The following FBLIM1 variants were observed in gnomAD, a reference collection of about 807,000 sequenced individuals.
FBLIM1 encodes filamin binding LIM protein 1, also known as filamin-binding LIM protein 1.
A neutral mutation model predicts 37.4 loss-of-function variants in FBLIM1; 29 were observed. The observed-to-expected ratio is 0.77, with a 90% CI of 0.58 to 1.06. The LOEUF (loss-of-function observed/expected upper bound fraction) is 1.06. FBLIM1 is among the 50% of genes least tolerant of loss of function. FBLIM1 has a pLI of 0.00. For missense variants in FBLIM1, 449 were observed against 505.6 expected, an observed-to-expected ratio of 0.89 and a Z score of 1.07; for synonymous variants, 193 against 199.0, an observed-to-expected ratio of 0.97 and a Z score of 0.25.
At chr1:15,774,167 C>A (rs547585171) in intron 6 of FBLIM1, among the ~76,000 whole-genome samples, 12 of 152,224 alleles carry the variant, frequency 7.9e-5, no homozygotes, top group Middle Eastern at 3.4e-3. Context: ...AACAAAAAAG[C>A]CCTATAATGG....
upstream of FBLIM1, chr1:15,758,221 G>C: frequency 1.3e-5 from 2 of 152,304 alleles, no homozygotes; most frequent in East Asian, 3.8e-4. The surrounding 1 kb of genome is among the most constrained non-coding windows in gnomAD (Gnocchi z 6.2). Context: ...TACAGATGAA[G>C]ACACTGAGGC....
chr1:15,762,756 C>T (rs1444182131), intron 1 of FBLIM1, among the ~76,000 whole-genome samples: 2 of 152,210 alleles, frequency 1.3e-5, no homozygotes, highest in African/African-American at 2.4e-5. Context: ...ACCGGTCAGA[C>T]GCATTGATAG....
intron 3 of FBLIM1, 140 bp from the exon 4 acceptor site, chr1:15,767,236 C>T (rs1334214680): frequency 3.1e-6 from 2 of 648,820 alleles, no homozygotes; most frequent in African/African-American, 3.9e-5. Context: ...AAATCAGTGG[C>T]AGAGTTAGAC....
Position 15,784,588 on chromosome 1 carries a change from G to T in FBLIM1, c.1049G>T (p.Gly350Val). The change falls in exon 9 of 9, where the codon GGC becomes GTC. Residue 350 changes from glycine (G) to valine (V), a missense_variant. Coordinates refer to ENST00000375766, the MANE Select transcript of FBLIM1 (RefSeq NM_017556.4). ...CTGTCTGTCGAGCCCACGGACCAAG[G>T]CTGCTACCCCCTGAACAACCATCTC... Reference protein sequence around the residue: ...ILLSVEPTDQGCYPLNNHLFC... With the variant: ...ILLSVEPTDQVCYPLNNHLFC... 3 of 1,614,118 alleles carry T rather than the reference G, an allele frequency of 1.9e-6. No homozygotes were observed. Among genetic ancestry groups the T allele is most frequent in the Non-Finnish European group, 2.5e-6 (3 of 1,179,984 alleles).
Position 15,767,545 on chromosome 1 carries a change from G to A in FBLIM1, c.420G>A (p.Pro140=), listed in dbSNP as rs1313597727. ...ACTTAGAGCAGCTGCACCTGTCCCC[G>A]CCCCCGCCCCCACCACAGGTACTGC... ...IADLEQLHLS[P]PPPPPQAPAE... Residue 140 remains proline (P), a synonymous_variant, in exon 4 of 9, where the codon CCG becomes CCA. Transcript: ENST00000375766. 7.9e-6 allele frequency: 10 copies of A among 1,258,010 alleles called. No homozygotes were observed. The Admixed American group carries it at 1.0e-4, about 13-fold the overall frequency. 77.9% of individuals were successfully genotyped at this position (1,258,010 alleles called of 1,614,324 possible).
At chr1:15,777,148 G>T in intron 7 of FBLIM1, 22 bp from the exon 8 acceptor site, 1 of 1,579,194 alleles carries the variant, frequency 6.3e-7, no homozygotes, top group South Asian at 1.1e-5. Context: ...CGCCTCCCAA[G>T]CATGGGTTCC....
intron 5 of FBLIM1, among the ~76,000 whole-genome samples, 160 bp from the exon 6 acceptor site, chr1:15,770,249 G>C (rs780002736): frequency 6.6e-5 from 10 of 152,080 alleles, no homozygotes; most frequent in Non-Finnish European, 1.3e-4. Context: ...GCCTGACTCA[G>C]ATTCCTTTTT....
intron 1 of FBLIM1, among the ~76,000 whole-genome samples, chr1:15,762,992 C>T (rs185480664): frequency 3.9e-5 from 6 of 152,028 alleles, no homozygotes; most frequent in Admixed American, 2.0e-4. Context: ...ATAGGAAGGG[C>T]GAGTGGTCCA....
chr1:15,769,439 T>A (rs2069093559), intron 5 of FBLIM1, among the ~76,000 whole-genome samples: 1 of 151,166 alleles, frequency 6.6e-6, no homozygotes, highest in Non-Finnish European at 1.5e-5. Flanking sequence ...ATTGCGCCAC[T>A]GCTCTCCAGC....
intron 6 of FBLIM1, among the ~76,000 whole-genome samples, chr1:15,772,492 G>T (rs974335398): frequency 6.6e-6 from 1 of 152,152 alleles, no homozygotes; most frequent in South Asian, 2.1e-4. Context: ...GCCCCCACAC[G>T]TGTCCAGGTG....
intron 7 of FBLIM1, among the ~76,000 whole-genome samples, chr1:15,775,903 G>A (rs1208705130): frequency 6.6e-6 from 1 of 152,154 alleles, no homozygotes; most frequent in Non-Finnish European, 1.5e-5. Flanking sequence ...TGGAATGAAT[G>A]AAGGGCTTAT....
chr1:15,771,905 A>C (rs560852303), intron 6 of FBLIM1, among the ~76,000 whole-genome samples: 12 of 151,474 alleles, frequency 7.9e-5, no homozygotes, highest in Non-Finnish European at 1.5e-4. Context: ...TCTTGCCACT[A>C]TCTCCCCTAG....
Position 15,784,397 on chromosome 1 carries a change from G to A in FBLIM1, c.1009-151G>A, listed in dbSNP as rs1012873449. The A allele has an allele frequency of 3.8e-5, 22 of 583,822 alleles. No individual in the cohort carries two copies. In the South Asian group the frequency reaches 4.6e-4, roughly 12 times the overall value. The allele number at this position is 583,822 out of a possible 1,614,324, so 36.2% of individuals were successfully genotyped here. On this transcript the variant is annotated intron_variant, in intron 8 of 8. Coordinates refer to ENST00000375766, the MANE Select transcript of FBLIM1 (RefSeq NM_017556.4). ...TTATGGAGACCTGGCCCGGGTGTTG[G>A]GAGGGCAGCAGTGAGCAGCCTCCTT...
intron 5 of FBLIM1, among the ~76,000 whole-genome samples, chr1:15,768,920 G>A (rs2069063388): frequency 6.6e-6 from 1 of 152,072 alleles, no homozygotes; most frequent in Non-Finnish European, 1.5e-5. Context: ...CTCACACAGT[G>A]CAAAATAAAC....
chr1:15,776,543 C>T lies in FBLIM1; in HGVS notation c.891-627C>T, dbSNP rs1004833205. The stretch of plus-strand genomic sequence containing the variant: ...GCCCATGAGTTGCTCACCACTCAAG[C>T]GGAGAGACAGATGTGCCTCTTAAGA... On this transcript the variant is annotated intron_variant, in intron 7 of 8. Coordinates refer to ENST00000375766, the MANE Select transcript of FBLIM1 (RefSeq NM_017556.4). Among the ~76,000 whole-genome samples, 4 of 151,954 alleles carry T rather than the reference C, an allele frequency of 2.6e-5. No homozygotes were observed. In the South Asian group the frequency reaches 8.3e-4, roughly 31 times the overall value.
intron 8 of FBLIM1, 93 bp downstream of exon 8, chr1:15,777,380 G>T: frequency 1.3e-6 from 1 of 773,612 alleles, no homozygotes; most frequent in Non-Finnish European, 2.1e-6. Flanking sequence ...TCAGGGTGGG[G>T]GCTGTACTCT....
intron 6 of FBLIM1, 61 bp downstream of exon 6, chr1:15,770,639 C>T (rs1473973900): frequency 6.4e-7 from 1 of 1,566,402 alleles, no homozygotes; most frequent in Non-Finnish European, 8.7e-7. Context: ...GAATATGTTG[C>T]ACCATTTCAT....
At chr1:15,779,385 A>G (rs751952024) in intron 8 of FBLIM1, among the ~76,000 whole-genome samples, 3 of 151,364 alleles carry the variant, frequency 2.0e-5, no homozygotes, top group African/African-American at 7.3e-5. Context: ...GCTCACTGCA[A>G]CCTCCACCTC....
At chr1:15,767,270 C>A (rs1409410054) in intron 3 of FBLIM1, 106 bp from the exon 4 acceptor site, 8 of 1,043,450 alleles carry the variant, frequency 7.7e-6, no homozygotes, top group Non-Finnish European at 9.5e-6. Context: ...CGGGGTGATC[C>A]CGACCGGGGC....
Sources: gnomAD v4.1 joint callset for allele counts (sites outside exome capture counted in the v4.1 genomes callset) on GRCh38, gnomAD v4.1.1 for gene constraint, Gnocchi (gnomAD v3.1) non-coding constraint, MANE v1.5 for transcripts, NCBI Gene and HGNC (gene_info 2026-07-23, HGNC 2026-07-21) for gene names.